Variants in CAB39 observed in about 807,000 individuals in gnomAD.
The protein encoded by CAB39 is calcium-binding protein 39.
CAB39 carries 8 observed loss-of-function variants against 40.0 expected under a neutral mutation model. The ratio of observed to expected loss-of-function variants is 0.20; its 90% confidence interval spans 0.12 to 0.36. The LOEUF (loss-of-function observed/expected upper bound fraction) is 0.36. Ranked by LOEUF, CAB39 falls within the 10% of genes least tolerant of loss-of-function variation. The pLI, the probability that CAB39 is intolerant of heterozygous loss-of-function variation, is 1.00. For synonymous variants in CAB39, 156 were observed against 141.6 expected (o/e 1.10, Z -0.72); for missense variants, 270 against 401.1 (o/e 0.67, Z 2.79).
chr2:230,798,513 G>A (rs140899678), intron 4 of CAB39, among the ~76,000 whole-genome samples: 129 of 152,230 alleles, frequency 8.5e-4, no homozygotes, highest in Admixed American at 1.4e-3. Context: ...GGTTTAAGGC[G>A]GTCATCACCA....
In CAB39 at chr2:230,793,272, A is replaced by G. The variant is rs1214235927; in HGVS notation, c.339A>G (p.Arg113=). The G allele has an allele frequency of 2.5e-6, 4 of 1,612,602 alleles. No individual in the cohort carries two copies. The highest frequency in any genetic ancestry group is 2.5e-6 in the Non-Finnish European group (3 of 1,179,116). ...TTCTCAGAAGACAAATTGGTACGAG[A>G]ACTCCTACTGTTGAATACATCTGCA... ...NNILRRQIGT[R]TPTVEYICTQ... Residue 113 remains arginine (R), a synonymous_variant, in exon 4 of 9, where the codon AGA becomes AGG. Transcript: ENST00000258418.
chr2:230,740,213 T>C (rs1575912354), intron 1 of CAB39, among the ~76,000 whole-genome samples: 1 of 152,174 alleles, frequency 6.6e-6, no homozygotes, highest in East Asian at 1.9e-4. Context: ...GTACACAAAA[T>C]ACAGATTGAA....
At chr2:230,727,060 A>G (rs1314685589) in intron 1 of CAB39, among the ~76,000 whole-genome samples, 2 of 152,032 alleles carry the variant, frequency 1.3e-5, no homozygotes, top group African/African-American at 2.4e-5. Context: ...ATAGGAGTAT[A>G]TCCAGAAGAA....
In CAB39 at chr2:230,818,713, A is replaced by G; in HGVS notation, c.*9A>G. The G allele has an allele frequency of 6.2e-7, 1 of 1,607,986 alleles. No homozygotes were observed. The highest frequency in any genetic ancestry group is 8.5e-7 in the Non-Finnish European group (1 of 1,175,196). Reference sequence around the variant, plus strand: ...CTCAGCAAGAAGCTTAATCTCCAATAAACATCTATGTTAAATCCAAATTCA... The same window carrying G: ...CTCAGCAAGAAGCTTAATCTCCAATGAACATCTATGTTAAATCCAAATTCA... On this transcript the variant is annotated 3_prime_UTR_variant, in exon 9 of 9. Transcript: ENST00000258418.
chr2:230,811,624 C>T (rs754603914), intron 6 of CAB39, among the ~76,000 whole-genome samples: 1 of 152,218 alleles, frequency 6.6e-6, no homozygotes, highest in Non-Finnish European at 1.5e-5. Flanking sequence ...TTCATGCACC[C>T]TCTGTGCCTT....
rs190056568 is a variant in CAB39, at chr2:230,765,521, G to C, written c.114+5406G>C. Among the ~76,000 whole-genome samples, 1,140 of 152,254 alleles carry C rather than the reference G, an allele frequency of 7.5e-3. 10 individuals carry two copies. Among genetic ancestry groups the C allele is most frequent in the Middle Eastern group, 0.017 (5 of 294 alleles). ...GTGTATGAGAGTGGCTGCAGGTAGG[G>C]AGAATGTCCTAATTTAGGTAGGTTA... On this transcript the variant is annotated intron_variant, in intron 2 of 8. Transcript: ENST00000258418.
intron 1 of CAB39, among the ~76,000 whole-genome samples, chr2:230,718,574 T>C (rs1057433999): frequency 6.6e-6 from 1 of 152,236 alleles, no homozygotes; most frequent in Non-Finnish European, 1.5e-5. Context: ...TCTGTCTAGC[T>C]TGAATTCCTT....
intron 5 of CAB39, 168 bp downstream of exon 5, chr2:230,799,065 T>C: frequency 1.9e-6 from 1 of 518,074 alleles, no homozygotes; most frequent in African/African-American, 1.9e-5. Flanking sequence ...AAGTCACAGC[T>C]TTAAAAGGGT....
intron 1 of CAB39, among the ~76,000 whole-genome samples, chr2:230,750,438 T>C (rs1695065395): frequency 6.6e-6 from 1 of 152,190 alleles, no homozygotes; most frequent in African/African-American, 2.4e-5. Context: ...CGCTGCCACC[T>C]GATCTTGTAC....
intron 1 of CAB39, among the ~76,000 whole-genome samples, chr2:230,716,737 C>G (rs1411584117): frequency 1.3e-5 from 2 of 152,198 alleles, no homozygotes; most frequent in Non-Finnish European, 2.9e-5. Flanking sequence ...CGGGGTAGCT[C>G]ACTCCTATAA....
At chr2:230,806,727 C>T (rs139026103) in intron 5 of CAB39, among the ~76,000 whole-genome samples, 1 of 152,252 alleles carries the variant, frequency 6.6e-6, no homozygotes, top group East Asian at 1.9e-4. Flanking sequence ...AGGTCTGACC[C>T]TAGCACAGGG....
chr2:230,746,386 C>T (rs1055867882), intron 1 of CAB39, among the ~76,000 whole-genome samples: 2 of 152,156 alleles, frequency 1.3e-5, no homozygotes, highest in African/African-American at 2.4e-5. Context: ...TGACTCATTC[C>T]AGTTTAACAC....
intron 4 of CAB39, among the ~76,000 whole-genome samples, chr2:230,797,763 A>G (rs1438748753): frequency 1.3e-5 from 2 of 152,124 alleles, no homozygotes; most frequent in African/African-American, 4.8e-5. Context: ...ACAGTCAGAG[A>G]GATAGAAAGG....
At chr2:230,776,530 A>T (rs536985226) in intron 2 of CAB39, among the ~76,000 whole-genome samples, 1 of 152,344 alleles carries the variant, frequency 6.6e-6, no homozygotes, top group Non-Finnish European at 1.5e-5. Flanking sequence ...AAGAATGTTA[A>T]ATAAATAGAA....
chr2:230,799,016 C>A, intron 5 of CAB39, 119 bp downstream of exon 5: 1 of 681,422 alleles, frequency 1.5e-6, no homozygotes, highest in South Asian at 2.3e-5. Flanking sequence ...GAGAAAGATA[C>A]ATTTTGTATA....
chr2:230,732,278 T>C (rs1694706490), intron 1 of CAB39, among the ~76,000 whole-genome samples: 2 of 152,228 alleles, frequency 1.3e-5, no homozygotes, highest in South Asian at 4.1e-4. Context: ...GAGACGGTGT[T>C]TCACTGTGTT....
intron 5 of CAB39, among the ~76,000 whole-genome samples, chr2:230,808,480 C>T (rs530884024): frequency 1.3e-4 from 20 of 152,290 alleles, no homozygotes; most frequent in African/African-American, 4.6e-4. Context: ...GATAACATTC[C>T]CCTTCAGGTC....
chr2:230,798,484 C>T (rs1327898402), intron 4 of CAB39, among the ~76,000 whole-genome samples: 1 of 152,160 alleles, frequency 6.6e-6, no homozygotes, highest in Non-Finnish European at 1.5e-5. Flanking sequence ...CACAGTCACT[C>T]GTATGGCTAT....
intron 1 of CAB39, among the ~76,000 whole-genome samples, chr2:230,757,190 CAAGTG>C (rs1200865731): frequency 6.6e-6 from 1 of 152,152 alleles, no homozygotes; most frequent in Non-Finnish European, 1.5e-5. Flanking sequence ...CTCTTAGGCT[CAAGTG>C]ATGCTCCAGC....
Sources: allele counts gnomAD v4.1 joint callset (sites outside exome capture counted in the v4.1 genomes callset), GRCh38; gene constraint gnomAD v4.1.1; transcripts MANE v1.5; gene names NCBI Gene and HGNC (gene_info 2026-07-23, HGNC 2026-07-21).